The following DNAH6 variants were observed in gnomAD, a reference collection of about 807,000 sequenced individuals.
The protein encoded by DNAH6 is axonemal beta dynein heavy chain 6.
A neutral mutation model predicts 491.4 loss-of-function variants in DNAH6; 340 were observed. That is an observed-to-expected ratio of 0.69 (90% CI 0.63 to 0.76). The LOEUF is 0.76. Among genes scored for constraint, DNAH6 ranks in the 30% least tolerant of loss-of-function variants. The pLI, the probability that DNAH6 is intolerant of heterozygous loss-of-function variation, is 0.00. For missense variants in DNAH6, 4,443 were observed against 4,972.2 expected (o/e 0.89, Z 3.20); for synonymous variants, 1,603 against 1,686.1 (o/e 0.95, Z 1.21).
At chr2:84,649,998 G>A (rs1690277187) in intron 33 of DNAH6, among the ~76,000 whole-genome samples, 1 of 151,874 alleles carries the variant, frequency 6.6e-6, no homozygotes, top group Non-Finnish European at 1.5e-5. Flanking sequence ...TGAGAATTCT[G>A]TTGTCATTTT....
At chr2:84,461,874 A>G in the DNAH6 span, among the ~76,000 whole-genome samples, 1 of 152,192 alleles carries the variant, frequency 6.6e-6, no homozygotes, top group African/African-American at 2.4e-5. Flanking sequence ...TTCTCTCTGA[A>G]GTTTGATAGG....
intron 42 of DNAH6, among the ~76,000 whole-genome samples, chr2:84,683,072 TA>T (rs5832620): frequency 0.75 from 113,671 of 152,110 alleles, 42,892 homozygotes; most frequent in East Asian, 0.92. Context: ...GATAGCCACA[TA>T]AGCTCACTTT....
At chr2:84,612,184 C>T (rs1262829257) in intron 22 of DNAH6, among the ~76,000 whole-genome samples, 3 of 152,016 alleles carry the variant, frequency 2.0e-5, no homozygotes, top group East Asian at 1.9e-4. Context: ...ATTTTGACAA[C>T]GAGACAAATA....
intron 11 of DNAH6, among the ~76,000 whole-genome samples, chr2:84,563,061 A>G (rs1680834166): frequency 1.3e-5 from 2 of 152,142 alleles, no homozygotes; most frequent in Admixed American, 1.3e-4. Context: ...TCCCCCGCAC[A>G]TGATCTCTTG....
At chr2:84,524,222 T>A (rs1358375799) in intron 2 of DNAH6, among the ~76,000 whole-genome samples, 1 of 151,576 alleles carries the variant, frequency 6.6e-6, no homozygotes, top group South Asian at 2.1e-4. Context: ...TTTTTTTTTT[T>A]AATTTTTGCT....
chr2:84,565,163 T>C (rs1305664477), intron 11 of DNAH6, among the ~76,000 whole-genome samples: 2 of 152,116 alleles, frequency 1.3e-5, no homozygotes, highest in Admixed American at 1.3e-4. Context: ...TTTTTCATTG[T>C]GTCTCTGCCA....
At chr2:84,531,632 A>G (rs913648943) in intron 4 of DNAH6, among the ~76,000 whole-genome samples, 3 of 152,044 alleles carry the variant, frequency 2.0e-5, no homozygotes, top group Non-Finnish European at 4.4e-5. Context: ...TACAACTGAG[A>G]CATAGAAGAC....
intron 68 of DNAH6, among the ~76,000 whole-genome samples, chr2:84,792,311 A>C (rs1677836584): frequency 6.6e-6 from 1 of 152,242 alleles, no homozygotes; most frequent in Non-Finnish European, 1.5e-5. Flanking sequence ...ACAATATAGC[A>C]CTTACAGTTA....
chr2:84,581,780 T>C (rs948582004), intron 14 of DNAH6, among the ~76,000 whole-genome samples: 1 of 152,188 alleles, frequency 6.6e-6, no homozygotes, highest in Admixed American at 6.5e-5. Context: ...AAATTAATTA[T>C]AAAGATGTTA....
intron 4 of DNAH6, among the ~76,000 whole-genome samples, chr2:84,534,188 G>T (rs1054524109): frequency 7.9e-5 from 12 of 152,056 alleles, no homozygotes; most frequent in Non-Finnish European, 5.9e-5. Context: ...ATAAGGCAAA[G>T]CTTCCCAAGG....
At chr2:84,508,012 A>C in the DNAH6 span, among the ~76,000 whole-genome samples, 2 of 152,322 alleles carry the variant, frequency 1.3e-5, no homozygotes, top group East Asian at 3.9e-4. Flanking sequence ...CATCAGGGAT[A>C]TTGGTCTAAA....
At chr2:84,557,490 C>CA (rs1359524478) in intron 10 of DNAH6, among the ~76,000 whole-genome samples, 22 of 142,372 alleles carry the variant, frequency 1.5e-4, no homozygotes, top group African/African-American at 2.8e-4. Context: ...ACTAAAAATA[C>CA]AAAAAAAAAA....
chr2:84,465,501 A>G, the DNAH6 span, among the ~76,000 whole-genome samples: 10 of 152,164 alleles, frequency 6.6e-5, no homozygotes, highest in African/African-American at 2.4e-4. Context: ...TCTCAAAACA[A>G]AAAGAAAAAA....
At chr2:84,598,983 T>C (rs1684956879) in intron 18 of DNAH6, among the ~76,000 whole-genome samples, 1 of 144,946 alleles carries the variant, frequency 6.9e-6, no homozygotes, top group South Asian at 2.1e-4. Context: ...TGAGCCGAAA[T>C]TGCGCCACTG....
At chr2:84,524,073 G>T (rs1395735659) in intron 2 of DNAH6, among the ~76,000 whole-genome samples, 1 of 151,998 alleles carries the variant, frequency 6.6e-6, no homozygotes, top group African/African-American at 2.4e-5. Flanking sequence ...ATTGTTCTTT[G>T]GGAGCTAAGT....
intron 4 of DNAH6, 41 bp from the exon 5 acceptor site, chr2:84,544,192 G>C: frequency 9.2e-7 from 1 of 1,086,228 alleles, no homozygotes; most frequent in Non-Finnish European, 1.3e-6. Context: ...ATTTTGTATT[G>C]AATACTTTAT....
At chr2:84,503,351 T>A in the DNAH6 span, among the ~76,000 whole-genome samples, 1 of 152,198 alleles carries the variant, frequency 6.6e-6, no homozygotes, top group Non-Finnish European at 1.5e-5. Context: ...TACCGTGTCT[T>A]GAAATGTTGC....
chr2:84,679,060 A>G (rs1693525462), intron 41 of DNAH6, among the ~76,000 whole-genome samples: 1 of 152,060 alleles, frequency 6.6e-6, no homozygotes, highest in Non-Finnish European at 1.5e-5. Context: ...GAACTTGGAT[A>G]TAATCAAGAA....
chr2:84,553,365 T>TTTCTTTCTTTCTTTCTTTC (rs201356778), intron 10 of DNAH6, among the ~76,000 whole-genome samples: 1 of 19,802 alleles, frequency 5.0e-5, no homozygotes. Context: ...TTTTCTTTTC[T>TTTCTTTCTTTCTTTCTTTC]TTTCTTTCTT....
Sources: allele counts gnomAD v4.1 joint callset (sites outside exome capture counted in the v4.1 genomes callset), GRCh38; gene constraint gnomAD v4.1.1; transcripts MANE v1.5; gene names NCBI Gene and HGNC (gene_info 2026-07-23, HGNC 2026-07-21).